The following ADGRB1 variants were observed in gnomAD, a reference collection of about 807,000 sequenced individuals.
ADGRB1 encodes adhesion G protein-coupled receptor B1, also known as brain-specific angiogenesis inhibitor 1.
ADGRB1 carries 36 observed loss-of-function variants against 175.7 expected under a neutral mutation model. The observed-to-expected ratio is 0.20, with a 90% CI of 0.16 to 0.27. ADGRB1 has a LOEUF of 0.27. Ranked by LOEUF, ADGRB1 falls within the 10% of genes least tolerant of loss-of-function variation. The pLI is 1.00. For missense variants in ADGRB1, 1,731 were observed against 2,255.3 expected, an observed-to-expected ratio of 0.77 and a Z score of 4.71; for synonymous variants, 1,054 against 979.4, an observed-to-expected ratio of 1.08 and a Z score of -1.42.
chr8:142,520,179 ATGGTGT>A (rs1843704208), intron 19 of ADGRB1, among the ~76,000 whole-genome samples: 2 of 69,318 alleles, frequency 2.9e-5, no homozygotes, highest in South Asian at 9.9e-4. Flanking sequence ...AGTGGTTGTG[ATGGTGT>A]TGGTGCTGGT....
intron 22 of ADGRB1, among the ~76,000 whole-genome samples, chr8:142,523,129 G>T (rs1843949458): frequency 6.6e-6 from 1 of 152,248 alleles, no homozygotes; most frequent in South Asian, 2.1e-4. Flanking sequence ...AGGCAGGGCA[G>T]GGGTCGGAGG....
chr8:142,481,306 G>GC lies in ADGRB1; in HGVS notation c.1887dup (p.Thr630HisfsTer9), dbSNP rs1214685242. The GC allele has an allele frequency of 6.2e-7, 1 of 1,613,802 alleles. No homozygotes were observed. Among genetic ancestry groups the GC allele is most frequent in the Non-Finnish European group, 8.5e-7 (1 of 1,179,874 alleles). On this transcript the variant is annotated frameshift_variant, in exon 10 of 31. Coordinates refer to ENST00000517894, the MANE Select transcript of ADGRB1 (RefSeq NM_001702.3). LOFTEE classifies it high-confidence loss of function. ...ACGAGGAAGGCATCGCCTACTGGGA[G>GC]CCCCCCACCTACATCCGCTGTGTTT...
chr8:142,498,193 G>A lies in ADGRB1; in HGVS notation c.2675+7378G>A, dbSNP rs375830516. 1.7e-3 allele frequency among the ~76,000 whole-genome samples: 260 copies of A among 152,194 alleles called. 2 individuals carry two copies. The South Asian group carries it at 0.02, about 12-fold the overall frequency. ...TCTCTTTCTTCCTGGCAGCGGCTCC[G>A]ATCTGCAGTGAATCCTTGGATCCGT... On this transcript the variant is annotated intron_variant, in intron 17 of 30. Transcript: ENST00000517894.
At chr8:142,453,334 T>C (rs1289007482) in intron 1 of ADGRB1, among the ~76,000 whole-genome samples, 2 of 152,244 alleles carry the variant, frequency 1.3e-5, no homozygotes, top group African/African-American at 4.8e-5. Context: ...AACCCCGTTT[T>C]ACCGTCGGCT....
intron 6 of ADGRB1, 142 bp downstream of exon 6, chr8:142,477,691 G>A (rs1320619381): frequency 2.5e-6 from 3 of 1,195,006 alleles, no homozygotes; most frequent in Non-Finnish European, 3.4e-6. Flanking sequence ...CTCAGACTGG[G>A]TTTAGGAAGC....
rs1839579180 is a variant in ADGRB1, at chr8:142,455,010, A to G, written c.-220+4906A>G. Among the ~76,000 whole-genome samples the G allele has an allele frequency of 6.6e-6, 1 of 151,152 alleles. No individual in the cohort carries two copies. Among genetic ancestry groups the G allele is most frequent in the African/African-American group, 2.4e-5 (1 of 41,004 alleles). On this transcript the variant is annotated intron_variant, in intron 1 of 30. Coordinates refer to ENST00000517894, the MANE Select transcript of ADGRB1 (RefSeq NM_001702.3). This position sits in a 1 kb window ranked among gnomAD's most constrained non-coding sequence, Gnocchi z 4.9. ...GGGTTTCACAAACACAAACATGCACACACCCACCCCTTCTGTCCCCTGTCC... is the reference window on the plus strand; with the variant it reads ...GGGTTTCACAAACACAAACATGCACGCACCCACCCCTTCTGTCCCCTGTCC...
chr8:142,468,526 G>A (rs1840409788), intron 2 of ADGRB1, among the ~76,000 whole-genome samples: 1 of 152,170 alleles, frequency 6.6e-6, no homozygotes. Context: ...ATGCTTCCAG[G>A]ACCACAGCAG....
chr8:142,528,910 G>A (rs1216754029), intron 24 of ADGRB1, among the ~76,000 whole-genome samples: 3 of 152,206 alleles, frequency 2.0e-5, no homozygotes, highest in Non-Finnish European at 4.4e-5. Context: ...TGCAGCTGTG[G>A]GCTGCGCTGC....
chr8:142,544,519 G>T lies in ADGRB1; in HGVS notation c.*102G>T. The T allele has an allele frequency of 2.3e-6, 3 of 1,316,802 alleles. No homozygotes were observed. The highest frequency in any genetic ancestry group is 2.9e-6 in the Non-Finnish European group (3 of 1,018,934). 81.6% of individuals were successfully genotyped at this position (1,316,802 alleles called of 1,614,324 possible). A position where few individuals can be genotyped will look rare whatever the true frequency, so the allele number is the denominator to read the frequency against. Reference sequence around the variant, plus strand: ...GACACGCTCGCGGGCAGCGGGCCAGGCCCGCACCCCGGCCTCAGGGCGCTC... The same window carrying T: ...GACACGCTCGCGGGCAGCGGGCCAGTCCCGCACCCCGGCCTCAGGGCGCTC... On this transcript the variant is annotated 3_prime_UTR_variant, in exon 31 of 31. Transcript: ENST00000517894.
chr8:142,531,197 A>G lies in ADGRB1; in HGVS notation c.3399-2098A>G, dbSNP rs193139150. On this transcript the variant is annotated intron_variant, in intron 24 of 30. Coordinates refer to ENST00000517894, the MANE Select transcript of ADGRB1 (RefSeq NM_001702.3). ...CGGCTCAAAGAATACCAGCTTTGGA[A>G]GGGAGAAGAGAGATTCTCCAGCTTA... is the stretch of plus-strand genomic sequence containing the variant. Among the ~76,000 whole-genome samples, 331 of 152,368 alleles carry G rather than the reference A, an allele frequency of 2.2e-3. 1 individual carries two copies. Among genetic ancestry groups the G allele is most frequent in the African/African-American group, 7.6e-3 (315 of 41,580 alleles).
Position 142,524,231 on chromosome 8 carries a change from T to C in ADGRB1, c.3246-7T>C. ...CGGGCGGTGCTGATGGCCTGTCTCC[T>C]CCCCAGCTGCTGGCTCTCCCTGGAG... On this transcript the variant is annotated splice_polypyrimidine_tract_variant and splice_region_variant and intron_variant, in intron 22 of 30. Transcript: ENST00000517894. The C allele has an allele frequency of 6.3e-7, 1 of 1,598,014 alleles. No individual in the cohort carries two copies.
At chr8:142,457,923 G>A (rs1170627114) in intron 1 of ADGRB1, among the ~76,000 whole-genome samples, 1 of 152,210 alleles carries the variant, frequency 6.6e-6, no homozygotes, top group Non-Finnish European at 1.5e-5. Flanking sequence ...AATGGGGGCC[G>A]TGGGCACCCT....
At chr8:142,529,345 T>G (rs1216728607) in intron 24 of ADGRB1, among the ~76,000 whole-genome samples, 1 of 151,782 alleles carries the variant, frequency 6.6e-6, no homozygotes, top group East Asian at 1.9e-4. Context: ...TGTGTTTGTG[T>G]GTGTGTGTGT....
chr8:142,486,020 G>A (rs1841650381), intron 13 of ADGRB1, among the ~76,000 whole-genome samples: 1 of 152,072 alleles, frequency 6.6e-6, no homozygotes, highest in African/African-American at 2.4e-5. Flanking sequence ...CCTCCCAAAG[G>A]CCCCACCACC....
rs899142620 is a variant in ADGRB1 at position 142,464,578 on chromosome 8, G to A, written c.380G>A (p.Cys127Tyr). 1.3e-5 allele frequency: 20 copies of A among 1,538,992 alleles called. No homozygotes were observed. The highest frequency in any genetic ancestry group is 1.7e-5 in the Non-Finnish European group (20 of 1,145,082). Residue 127 changes from cysteine to tyrosine, a missense_variant, in exon 2 of 31, where the codon TGC becomes TAC. Around this residue, in one of 8 missense-constraint regions of ADGRB1, gnomAD observed 383 missense variants for 383.1 expected, o/e 1.00. Transcript: ENST00000517894. The stretch of plus-strand genomic sequence containing the variant: ...AGCTTCGACGAGGTGCTGCGGCTCT[G>A]CGACCCCTCCGCACCCCTGGCCTTC... ...VESFDEVLRL[C>Y]DPSAPLAFLQ...
At chr8:142,469,456 T>A (rs958074212) in intron 2 of ADGRB1, among the ~76,000 whole-genome samples, 2 of 144,982 alleles carry the variant, frequency 1.4e-5, no homozygotes, top group African/African-American at 2.6e-5. Context: ...CGTGCGTGAA[T>A]GTGTGTATGC....
At chr8:142,522,508 C>G in intron 21 of ADGRB1, 133 bp from the exon 22 acceptor site, 1 of 900,120 alleles carries the variant, frequency 1.1e-6, no homozygotes, top group Non-Finnish European at 1.7e-6. Flanking sequence ...CCATCTCTTG[C>G]TCAGCCCCAT....
chr8:142,470,247 A>G (rs1840585016), intron 2 of ADGRB1, among the ~76,000 whole-genome samples: 1 of 150,612 alleles, frequency 6.6e-6, no homozygotes, highest in Non-Finnish European at 1.5e-5. Flanking sequence ...CTCCCTTTGC[A>G]TTTTTCCGCC....
intron 26 of ADGRB1, among the ~76,000 whole-genome samples, chr8:142,538,184 C>T (rs370063507): frequency 6.6e-6 from 1 of 152,222 alleles, no homozygotes. Context: ...ATGGTGCCAC[C>T]TTTCTGGGCT....
Sources: gnomAD v4.1 joint callset for allele counts (sites outside exome capture counted in the v4.1 genomes callset) on GRCh38, gnomAD v4.1.1 for gene constraint, gnomAD v4.1.1 regional missense constraint, Gnocchi (gnomAD v3.1) non-coding constraint, MANE v1.5 for transcripts, NCBI Gene and HGNC (gene_info 2026-07-23, HGNC 2026-07-21) for gene names.